The following CDH2 variants were observed in gnomAD, a reference collection of about 807,000 sequenced individuals.
The protein encoded by CDH2 is cadherin-2.
A neutral mutation model predicts 92.0 loss-of-function variants in CDH2; 17 were observed. The observed-to-expected ratio is 0.18, with a 90% CI of 0.13 to 0.28. The LOEUF is 0.28. Ranked by LOEUF, CDH2 falls within the 10% of genes least tolerant of loss-of-function variation. The pLI is 1.00. For synonymous variants in CDH2, 419 were observed against 415.9 expected (o/e 1.01, Z -0.09); for missense variants, 862 against 1,133.1 (o/e 0.76, Z 3.44).
chr18:27,965,287 G>T (rs17445662), intron 14 of CDH2, among the ~76,000 whole-genome samples: 6 of 152,280 alleles, frequency 3.9e-5, no homozygotes, highest in African/African-American at 1.4e-4. Context: ...GCAGGTGAAG[G>T]CACTCACATA....
intron 1 of CDH2, among the ~76,000 whole-genome samples, chr18:28,176,095 T>TA (rs2037927042): frequency 6.6e-6 from 1 of 152,156 alleles, no homozygotes; most frequent in African/African-American, 2.4e-5. Context: ...GAGCAGGTGC[T>TA]TCCTGCCGCG....
chr18:28,044,611 C>A (rs1026262629), intron 2 of CDH2, among the ~76,000 whole-genome samples: 1 of 152,124 alleles, frequency 6.6e-6, no homozygotes, highest in Non-Finnish European at 1.5e-5. Context: ...GAAGTGCATA[C>A]ATGCCTTGCT....
rs548684457 is a variant in CDH2 at position 27,994,735 on chromosome 18, G to C, written c.1021-1098C>G. 2.0e-5 allele frequency among the ~76,000 whole-genome samples: 3 copies of C among 152,168 alleles called. No individual in the cohort carries two copies. The South Asian group carries it at 6.2e-4, about 32-fold the overall frequency. ...ATTCTTAAGGGATTTCTGGAGCTTA[G>C]ATAGAACACACACAAATTGTAGCTT... On this transcript the variant is annotated intron_variant, in intron 7 of 15. Coordinates refer to ENST00000269141, the MANE Select transcript of CDH2 (RefSeq NM_001792.5).
intron 7 of CDH2, among the ~76,000 whole-genome samples, chr18:27,994,470 G>A (rs2012520466): frequency 6.6e-6 from 1 of 152,240 alleles, no homozygotes; most frequent in Non-Finnish European, 1.5e-5. Flanking sequence ...AAGAGAAAAT[G>A]CTGAGATTGA....
chr18:28,176,965 G>C lies in CDH2; in HGVS notation c.58C>G (p.Gln20Glu). Residue 20 changes from glutamine to glutamate, a missense_variant and splice_region_variant, in exon 1 of 16, where the codon CAG becomes GAG. Coordinates refer to ENST00000269141, the MANE Select transcript of CDH2 (RefSeq NM_001792.5). ...GGCCCGCGGGGACCGCCGCGTACCT[G>C]AAGCAGGGCCGCCAGCAGCGGCAGC... ...TLLPLLAALL[Q>E]ASVEASGEIA... is the part of the protein sequence containing the mutation. 7.1e-7 allele frequency: 1 copy of C among 1,405,262 alleles called. No homozygotes were observed. The highest frequency in any genetic ancestry group is 3.1e-5 in the East Asian group (1 of 32,414). The allele number at this position is 1,405,262 out of a possible 1,614,324, so 87.0% of individuals were successfully genotyped here.
At chr18:28,090,864 T>C (rs2144210996) in intron 2 of CDH2, among the ~76,000 whole-genome samples, 1 of 152,302 alleles carries the variant, frequency 6.6e-6, no homozygotes, top group Admixed American at 6.5e-5. Flanking sequence ...AAAATAATCC[T>C]TTTATTCCTT....
At chr18:28,058,325 CAG>C (rs911969828) in intron 2 of CDH2, among the ~76,000 whole-genome samples, 1 of 152,118 alleles carries the variant, frequency 6.6e-6, no homozygotes, top group African/African-American at 2.4e-5. Context: ...CAAGACATGA[CAG>C]AGAGAGACAG....
At chr18:28,068,574 G>A (rs888291625) in intron 2 of CDH2, among the ~76,000 whole-genome samples, 2 of 152,156 alleles carry the variant, frequency 1.3e-5, no homozygotes, top group African/African-American at 2.4e-5. Flanking sequence ...CAGATATTCT[G>A]TATTAAAAGT....
At chr18:28,052,848 G>A (rs2014218992) in intron 2 of CDH2, among the ~76,000 whole-genome samples, 1 of 152,156 alleles carries the variant, frequency 6.6e-6, no homozygotes, top group Admixed American at 6.6e-5. Context: ...TGGGCTGAAT[G>A]TGTCCCCTTA....
chr18:27,989,293 T>C lies in CDH2; in HGVS notation c.1599-627A>G, dbSNP rs190928171. ...TAAAATTTGGAGTGGGGATTAACTT[T>C]TAAAGATTAGATAACCAGTTGGATT... On this transcript the variant is annotated intron_variant, in intron 10 of 15. Coordinates refer to ENST00000269141, the MANE Select transcript of CDH2 (RefSeq NM_001792.5). 8.5e-4 allele frequency among the ~76,000 whole-genome samples: 129 copies of C among 152,298 alleles called. 2 individuals are homozygous for C. The highest frequency in any genetic ancestry group is 3.0e-3 in the African/African-American group (125 of 41,574).
intron 2 of CDH2, among the ~76,000 whole-genome samples, chr18:28,115,898 C>T (rs906276196): frequency 2.0e-5 from 3 of 152,068 alleles, no homozygotes; most frequent in Admixed American, 2.0e-4. Flanking sequence ...ATTAGGTCAC[C>T]TGAAGTTTGC....
chr18:27,947,784 T>TAA (rs1909311316), downstream of CDH2, among the ~76,000 whole-genome samples: 4 of 143,270 alleles, frequency 2.8e-5, no homozygotes, highest in African/African-American at 1.0e-4. Context: ...TAAGTATATG[T>TAA]GATATAAGTA....
At chr18:28,083,246 T>A (rs532679228) in intron 2 of CDH2, among the ~76,000 whole-genome samples, 1 of 152,244 alleles carries the variant, frequency 6.6e-6, no homozygotes, top group Non-Finnish European at 1.5e-5. Context: ...TTGTATTTTA[T>A]TGTCCCAGTC....
At chr18:28,032,060 C>T (rs1403448315) in intron 2 of CDH2, among the ~76,000 whole-genome samples, 1 of 152,058 alleles carries the variant, frequency 6.6e-6, no homozygotes, top group African/African-American at 2.4e-5. Context: ...TTTGATGTTG[C>T]AGTGTAGTTA....
chr18:27,942,816 A>G (rs557100826), intron 6 of CDH2, among the ~76,000 whole-genome samples: 10 of 152,274 alleles, frequency 6.6e-5, no homozygotes, highest in African/African-American at 2.4e-4. Flanking sequence ...TTGTGTATGA[A>G]CGAGATTGTC....
intron 2 of CDH2, among the ~76,000 whole-genome samples, chr18:28,063,999 T>A (rs2014456495): frequency 6.6e-6 from 1 of 152,188 alleles, no homozygotes; most frequent in South Asian, 2.1e-4. Context: ...GAAAAGGTAA[T>A]AGAATATTTA....
chr18:28,102,584 A>C (rs557692599), intron 2 of CDH2, among the ~76,000 whole-genome samples: 153 of 152,170 alleles, frequency 1.0e-3, no homozygotes, highest in Non-Finnish European at 1.0e-3. Context: ...TGCAGAGCAG[A>C]TTATTTATTT....
In CDH2 at chr18:28,170,034, T is replaced by C. The variant is rs372411584; in HGVS notation, c.60+6929A>G. Among the ~76,000 whole-genome samples the C allele has an allele frequency of 4.6e-5, 7 of 152,340 alleles. No individual in the cohort carries two copies. The East Asian group carries it at 9.6e-4, about 21-fold the overall frequency. On this transcript the variant is annotated intron_variant, in intron 1 of 15. Coordinates refer to ENST00000269141, the MANE Select transcript of CDH2 (RefSeq NM_001792.5). ...AATATTACCATGGTTTACCCAACTA[T>C]TATAATCTCTCAGGCACTGAGAACT...
At chr18:28,063,105 T>A (rs564807921) in intron 2 of CDH2, among the ~76,000 whole-genome samples, 13 of 152,342 alleles carry the variant, frequency 8.5e-5, no homozygotes, top group African/African-American at 3.1e-4. Flanking sequence ...TATGTCCTCA[T>A]AAGTCTTTGT....
Sources: allele counts gnomAD v4.1 joint callset (sites outside exome capture counted in the v4.1 genomes callset), GRCh38; gene constraint gnomAD v4.1.1; transcripts MANE v1.5; gene names NCBI Gene and HGNC (gene_info 2026-07-23, HGNC 2026-07-21).